The following ACE variants were observed in gnomAD, a reference collection of about 807,000 sequenced individuals.
ACE encodes the protein angiotensin I converting enzyme.
In ACE, 122 loss-of-function variants were observed where a neutral mutation model predicts 162.3. The observed-to-expected ratio is 0.75, with a 90% CI of 0.65 to 0.87. The LOEUF (loss-of-function observed/expected upper bound fraction) is 0.87, where lower values mean the gene tolerates loss of function less well. ACE is among the 40% of genes least tolerant of loss of function. ACE has a pLI of 0.00. For synonymous variants in ACE, 796 were observed against 720.6 expected (o/e 1.10, Z -1.68); for missense variants, 1,799 against 1,735.1 (o/e 1.04, Z -0.65).
rs967533076 is a variant in ACE at position 63,491,839 on chromosome 17, A to G, written c.2912+458A>G. On this transcript the variant is annotated intron_variant, in intron 19 of 24. Coordinates refer to ENST00000290866, the MANE Select transcript of ACE (RefSeq NM_000789.4). This position sits in a 1 kb window ranked among gnomAD's most constrained non-coding sequence, Gnocchi z 4.4. ...TTTAGTTACCTATTGCTGTGCAACC[A>G]AGCACCCCAGAGCTTAGCCTTACGA... Among the ~76,000 whole-genome samples the G allele has an allele frequency of 6.6e-6, 1 of 152,156 alleles. No individual in the cohort carries two copies. The highest frequency in any genetic ancestry group is 2.4e-5 in the African/African-American group (1 of 41,436).
Position 63,477,317 on chromosome 17 carries a change from A to G in ACE, c.223A>G (p.Ile75Val), listed in dbSNP as rs375602836. 2 of 1,369,214 alleles carry G rather than the reference A, an allele frequency of 1.5e-6. No homozygotes were observed. Among genetic ancestry groups the G allele is most frequent in the Admixed American group, 2.5e-5 (1 of 39,792 alleles). The allele number at this position is 1,369,214 out of a possible 1,614,324, so 84.8% of individuals were successfully genotyped here. ...VAASWAHDTN[I>V]TAENARRQEE... ...CGCCAGCTGGGCGCACGACACCAAC[A>G]TCACCGCGGAGAATGCAAGGCGCCA... Residue 75 changes from isoleucine to valine, a missense_variant, in exon 1 of 25, where the codon ATC (isoleucine) becomes GTC (valine). Transcript: ENST00000290866.
At chr17:63,485,188 G>T (rs1353124845) in intron 12 of ACE, 48 bp from the exon 13 acceptor site, 14 of 1,613,232 alleles carry the variant, frequency 8.7e-6, no homozygotes, top group Non-Finnish European at 1.1e-5. Context: ...CACAAACCTG[G>T]AGAGGGGAGG....
At position 63,485,389 on chromosome 17, in the gene ACE, C is replaced by T. The variant is rs750123831; in HGVS notation, c.2058+17C>T. 3.7e-6 allele frequency: 6 copies of T among 1,613,562 alleles called. No homozygotes were observed. Among genetic ancestry groups the T allele is most frequent in the Middle Eastern group, 3.3e-4 (2 of 6,084 alleles). On this transcript the variant is annotated intron_variant, in intron 13 of 24. Transcript: ENST00000290866. Reference sequence around the variant, plus strand: ...AAGATTCTGGTGGGAGCCACCTCCCCACCCCCAAACCTGAGCATGTGCATA... The same window carrying T: ...AAGATTCTGGTGGGAGCCACCTCCCTACCCCCAAACCTGAGCATGTGCATA...
intron 1 of ACE, 157 bp from the exon 2 acceptor site, chr17:63,477,774 G>A (rs1269294951): frequency 4.8e-6 from 4 of 835,364 alleles, no homozygotes; most frequent in Non-Finnish European, 7.4e-6. Flanking sequence ...GAGGAAGCGC[G>A]GCTTCCGCAA....
chr17:63,496,603 G>A lies in ACE; in HGVS notation c.3503+87G>A, dbSNP rs2030749743. 1.9e-6 allele frequency: 3 copies of A among 1,609,012 alleles called. No individual in the cohort carries two copies. In the African/African-American group the frequency reaches 4.0e-5, roughly 21 times the overall value. On this transcript the variant is annotated intron_variant, in intron 23 of 24. Coordinates refer to ENST00000290866, the MANE Select transcript of ACE (RefSeq NM_000789.4). The stretch of plus-strand genomic sequence containing the variant: ...GGTCTGTCCACTGGAGCTTTTGTGG[G>A]AACACTTGCCATTTTGAGCCGGGAA...
At position 63,483,958 on chromosome 17, in the gene ACE, G is replaced by A. The variant is rs748643856; in HGVS notation, c.1696G>A (p.Gly566Arg). 7.4e-6 allele frequency: 12 copies of A among 1,613,780 alleles called. No homozygotes were observed. The highest frequency in any genetic ancestry group is 1.0e-5 in the Non-Finnish European group (12 of 1,179,948). Residue 566 changes from glycine (G) to arginine (R), a missense_variant, in exon 11 of 25, where the codon GGG becomes AGG. Physicochemically the swap from Gly to Arg is moderately radical, Grantham distance 125. Transcript: ENST00000290866. ...TGACATCTACCGGTCCACCAAGGCA[G>A]GGGCCAAGCTCCGGTGTGTGGTGGG... ...QCDIYRSTKA[G>R]AKLRKVLQAG...
chr17:63,482,911 C>A, intron 8 of ACE, 118 bp from the exon 9 acceptor site: 2 of 1,220,042 alleles, frequency 1.6e-6, no homozygotes, highest in Non-Finnish European at 2.4e-6. Context: ...CGAGGGCCAG[C>A]CATACCTTCT....
In ACE at chr17:63,488,947, TA is replaced by T. The variant is rs757544710; in HGVS notation, c.2457del (p.Asp820MetfsTer92). On this transcript the variant is annotated frameshift_variant, in exon 17 of 25. Transcript: ENST00000290866. LOFTEE classifies it high-confidence loss of function. ...INQAARLNGY[V>X]DAGDSWRSMY... ...GGCTGTGTCCCCTCTGTAGGCTATG[TA>T]GATGCAGGGGACTCGTGGAGGTCTA... 3.7e-6 allele frequency: 6 copies of T among 1,613,974 alleles called. No individual in the cohort carries two copies. Among genetic ancestry groups the T allele is most frequent in the Non-Finnish European group, 5.1e-6 (6 of 1,180,026 alleles).
intron 13 of ACE, 72 bp downstream of exon 13, chr17:63,485,444 C>G (rs772792076): frequency 6.3e-7 from 1 of 1,585,920 alleles, no homozygotes; most frequent in African/African-American, 1.3e-5. Context: ...GCTCACCACA[C>G]AGTGGGGCTG....
intron 12 of ACE, 88 bp from the exon 13 acceptor site, chr17:63,485,148 T>C (rs1218297684): frequency 1.9e-6 from 3 of 1,593,272 alleles, no homozygotes; most frequent in South Asian, 1.1e-5. Flanking sequence ...TACAAGGGAG[T>C]GCGAGAGGGA....
chr17:63,496,159 G>T, intron 22 of ACE: 1 of 570,084 alleles, frequency 1.8e-6, no homozygotes. Context: ...TGTGGAGGCA[G>T]CTCTGTGGGT....
Position 63,497,311 on chromosome 17 carries a change from A to G in ACE, c.3866A>G (p.His1289Arg), listed in dbSNP as rs1004296792. The G allele has an allele frequency of 6.5e-7, 1 of 1,549,270 alleles. No individual in the cohort carries two copies. Residue 1289 changes from histidine (H) to arginine (R), a missense_variant, in exon 25 of 25, where the codon CAC (histidine) becomes CGC (arginine). Transcript: ENST00000290866. ...TTCAGCATCCGCCACCGCAGCCTCC[A>G]CCGGCACTCCCACGGGCCCCAGTTC... is the stretch of plus-strand genomic sequence containing the variant. The part of the protein sequence containing the change: ...RLFSIRHRSL[H>R]RHSHGPQFGS...
Position 63,497,327 on chromosome 17 carries a change from G to T in ACE, c.3882G>T (p.Gly1294=). ...GCAGCCTCCACCGGCACTCCCACGG[G>T]CCCCAGTTCGGCTCCGAGGTGGAGC... ...RHRSLHRHSH[G]PQFGSEVELR... is the part of the protein sequence containing the mutation. Residue 1294 remains glycine (G), a synonymous_variant, in exon 25 of 25, where the codon GGG becomes GGT. Coordinates refer to ENST00000290866, the MANE Select transcript of ACE (RefSeq NM_000789.4). 6.5e-7 allele frequency: 1 copy of T among 1,548,792 alleles called. No individual in the cohort carries two copies. Among genetic ancestry groups the T allele is most frequent in the South Asian group, 1.2e-5 (1 of 84,058 alleles).
chr17:63,484,556 G>A lies in ACE; in HGVS notation c.1921+15G>A. 6.2e-7 allele frequency: 1 copy of A among 1,606,062 alleles called. No homozygotes were observed. The highest frequency in any genetic ancestry group is 8.5e-7 in the Non-Finnish European group (1 of 1,177,250). ...GGAGGGCATAGGTAAAGCCCTGAGT[G>A]AGGATGGTGTGGGGCTAAGGTGGGT... On this transcript the variant is annotated intron_variant, in intron 12 of 24. Transcript: ENST00000290866. This position sits in a 1 kb window ranked among gnomAD's most constrained non-coding sequence, Gnocchi z 4.0.
At position 63,498,356 on chromosome 17, in the gene ACE, C is replaced by T. The variant is rs1055077710; in HGVS notation, c.*990C>T. On this transcript the variant is annotated 3_prime_UTR_variant, in exon 25 of 25. Coordinates refer to ENST00000290866, the MANE Select transcript of ACE (RefSeq NM_000789.4). ...AGAAAACTGTAAAGAAAATAAAAGC[C>T]CTTTATATCAACGTCAAGAGATAAG... The T allele has an allele frequency of 1.3e-5, 2 of 152,088 alleles. No individual in the cohort carries two copies. The highest frequency in any genetic ancestry group is 2.9e-5 in the Non-Finnish European group (2 of 68,004). 9.4% of individuals were successfully genotyped at this position (152,088 alleles called of 1,614,324 possible). A position where few individuals can be genotyped will look rare whatever the true frequency, so the allele number is the denominator to read the frequency against.
chr17:63,484,735 G>C lies in ACE; in HGVS notation c.1921+194G>C, dbSNP rs943385882. Reference sequence around the variant, plus strand: ...CATGTCTTTCCCCCAGCATCCTAGAGAGGGTGTGCTCAGACCTGAGGGCCC... The same window carrying C: ...CATGTCTTTCCCCCAGCATCCTAGACAGGGTGTGCTCAGACCTGAGGGCCC... On this transcript the variant is annotated intron_variant, in intron 12 of 24. Transcript: ENST00000290866. This position sits in a 1 kb window ranked among gnomAD's most constrained non-coding sequence, Gnocchi z 4.0. 6.9e-7 allele frequency: 1 copy of C among 1,457,846 alleles called. No homozygotes were observed. The highest frequency in any genetic ancestry group is 2.5e-5 in the Admixed American group (1 of 40,654). 90.3% of individuals were successfully genotyped at this position (1,457,846 alleles called of 1,614,324 possible).
Position 63,479,927 on chromosome 17 carries a change from C to T in ACE, c.655+15C>T. On this transcript the variant is annotated intron_variant, in intron 4 of 24. Coordinates refer to ENST00000290866, the MANE Select transcript of ACE (RefSeq NM_000789.4). ...CAAGCAGGACGGTGAGCAGGCCTCT[C>T]CCTGTCCAGGAACCACGCCAGGTGT... 11 of 1,602,970 alleles carry T rather than the reference C, an allele frequency of 6.9e-6. No homozygotes were observed. The highest frequency in any genetic ancestry group is 9.3e-6 in the Non-Finnish European group (11 of 1,177,578).
chr17:63,478,294 T>G, intron 2 of ACE, 196 bp downstream of exon 2: 1 of 713,694 alleles, frequency 1.4e-6, no homozygotes. Context: ...AGTTACTTTC[T>G]GTTAAAGGAA....
intron 2 of ACE, chr17:63,478,468 C>A: frequency 3.1e-6 from 1 of 319,378 alleles, no homozygotes; most frequent in Admixed American, 4.5e-5. Context: ...GAGTTCAAGA[C>A]CAGCCTGGCC....
Sources: gnomAD v4.1 joint callset for allele counts (sites outside exome capture counted in the v4.1 genomes callset) on GRCh38, gnomAD v4.1.1 for gene constraint, Gnocchi (gnomAD v3.1) non-coding constraint, MANE v1.5 for transcripts, NCBI Gene and HGNC (gene_info 2026-07-23, HGNC 2026-07-21) for gene names.